Variants in MUC6 observed in about 807,000 individuals in gnomAD.
The protein encoded by MUC6 is mucin 6, oligomeric mucus/gel-forming (gene/pseudogene).
Under a neutral mutation model 201.5 loss-of-function variants are expected in MUC6, and 188 were observed. The observed-to-expected ratio is 0.93, with a 90% CI of 0.83 to 1.05. MUC6 has a LOEUF of 1.05. Among genes scored for constraint, MUC6 ranks in the 50% least tolerant of loss-of-function variants. The probability of loss-of-function intolerance (pLI) is 0.00; values close to 1 mark genes in which losing one functional copy is unlikely to be tolerated. For missense variants in MUC6, 2,706 were observed against 3,256.9 expected (o/e 0.83, Z 4.12); for synonymous variants, 1,228 against 1,389.4 (o/e 0.88, Z 2.58).
At chr11:1,020,648 C>G in intron 28 of MUC6, 36 bp downstream of exon 28, 1 of 1,613,484 alleles carries the variant, frequency 6.2e-7, no homozygotes, top group Non-Finnish European at 8.5e-7. Flanking sequence ...AGGAAAGGGC[C>G]TGCGTCACCT....
In MUC6 at chr11:1,027,488, T is replaced by A; in HGVS notation, c.2011A>T (p.Ser671Cys). Residue 671 changes from serine to cysteine, a missense_variant, in exon 17 of 33, where the codon AGC becomes TGC. This residue lies in a region of MUC6 where 1,850 missense variants were observed against 1,958.3 expected (regional missense o/e 0.94). Transcript: ENST00000421673. ...TIPCTGNTTF[S>C]YNSQACERTC... is the part of the protein sequence containing the mutation. ...CGCTCACAGGCTTGGCTGTTGTAGC[T>A]GAAGGTGGTGTTACCCGTGCAGGGG... 4 of 1,612,434 alleles carry A rather than the reference T, an allele frequency of 2.5e-6. No individual in the cohort carries two copies. The highest frequency in any genetic ancestry group is 1.7e-6 in the Non-Finnish European group (2 of 1,179,774).
rs1026161249 is a variant in MUC6 at position 1,032,029 on chromosome 11, G to A, written c.140C>T (p.Thr47Met). 3.1e-6 allele frequency: 5 copies of A among 1,613,364 alleles called. No homozygotes were observed. Among genetic ancestry groups the A allele is most frequent in the Middle Eastern group, 1.6e-4 (1 of 6,062 alleles). The stretch of plus-strand genomic sequence containing the variant: ...GGTGGAGAAGTGACCAGCCCCCCAC[G>A]TGGAGCACTGGCCTTTGTCCGGGGC... ...QTAPDKGQCS[T>M]WGAGHFSTFD... Residue 47 changes from threonine (T) to methionine (M), a missense_variant, in exon 3 of 33, where the codon ACG becomes ATG. By Grantham distance (81) the Thr-to-Met change is moderately conservative (BLOSUM62 -1). Transcript: ENST00000421673.
rs752056856 is a variant in MUC6 at position 1,029,221 on chromosome 11, G to C, written c.1275+7C>G. ...CCCCTCCCCACGGGCCACAGGGCTC[G>C]TCCTACCTGGAGGAGGATGTAGGTG... On this transcript the variant is annotated splice_region_variant and intron_variant, in intron 10 of 32. Transcript: ENST00000421673. The C allele has an allele frequency of 6.2e-6, 10 of 1,606,874 alleles. No homozygotes were observed. The highest frequency in any genetic ancestry group is 8.5e-6 in the Non-Finnish European group (10 of 1,177,386).
At chr11:1,029,752 C>T in intron 8 of MUC6, 137 bp from the exon 9 acceptor site, 1 of 1,245,732 alleles carries the variant, frequency 8.0e-7, no homozygotes, top group Non-Finnish European at 1.1e-6. Context: ...GGAGACGCCC[C>T]TCCAGCCTGG....
At chr11:1,023,855 A>C in intron 25 of MUC6, 92 bp downstream of exon 25, 2 of 1,505,054 alleles carry the variant, frequency 1.3e-6, no homozygotes, top group South Asian at 1.3e-5. Context: ...GTCCAGGGAG[A>C]GGGGCCTGTG....
In MUC6 at chr11:1,013,587, G is replaced by T. The variant is rs547423013; in HGVS notation, c.7189C>A (p.Arg2397Ser). Residue 2397 changes from arginine to serine, a missense_variant, in exon 33 of 33, where the codon CGC becomes AGC. This residue lies in a region of MUC6 where 586 missense variants were observed against 488.0 expected (regional missense o/e 1.20). Transcript: ENST00000421673. ...QQVDARCSCC[R>S]PLHSYEQQLE... is the part of the protein sequence containing the mutation. ...TGCTGCTCATAGGAGTGGAGGGGGCGGCAGCAGCTGCAGCGGGCATCCACC... is the reference window on the plus strand; with the variant it reads ...TGCTGCTCATAGGAGTGGAGGGGGCTGCAGCAGCTGCAGCGGGCATCCACC... 3.2e-4 allele frequency: 510 copies of T among 1,569,910 alleles called. 3 individuals are homozygous for T. In the Middle Eastern group the frequency reaches 0.012, roughly 36 times the overall value.
chr11:1,027,973 A>G lies in MUC6; in HGVS notation c.1840T>C (p.Phe614Leu). The change falls in exon 15 of 33, where the codon TTC becomes CTC. Residue 614 changes from phenylalanine to leucine, a missense_variant. Physicochemically the swap from Phe to Leu is conservative, Grantham distance 22. Transcript: ENST00000421673. ...RCHATVNPAPFYKRCVYQACN... is the reference protein window; with the variant it reads ...RCHATVNPAPLYKRCVYQACN... ...CGCCCTCGGGCCCTCACCTTGTAGA[A>G]GGGTGCAGGGTTCACTGTGGCGTGG... The G allele has an allele frequency of 6.3e-7, 1 of 1,575,910 alleles. No individual in the cohort carries two copies. The highest frequency in any genetic ancestry group is 8.6e-7 in the Non-Finnish European group (1 of 1,161,174).
Position 1,019,460 on chromosome 11 carries a change from G to A in MUC6, c.3845C>T (p.Ala1282Val). The A allele has an allele frequency of 6.2e-7, 1 of 1,613,926 alleles. No individual in the cohort carries two copies. The highest frequency in any genetic ancestry group is 1.7e-4 in the Middle Eastern group (1 of 6,046). The part of the protein sequence containing the change: ...PRPTTAVTPQ[A>V]TSGLPPTATL... ...GGCTGTGGGAGGCAGCCCTGATGTG[G>A]CTTGTGGGGTGACGGCCGTGGTTGG... Residue 1282 changes from alanine to valine, a missense_variant, in exon 30 of 33, where the codon GCC becomes GTC. Physicochemically the swap from Ala to Val is moderately conservative, Grantham distance 64. Coordinates refer to ENST00000421673, the MANE Select transcript of MUC6 (RefSeq NM_005961.3).
In MUC6 at chr11:1,027,776, G is replaced by A. The variant is rs1288589920; in HGVS notation, c.1890C>T (p.Pro630=). The change falls in exon 16 of 33, where the codon CCC becomes CCT. Residue 630 remains proline, a synonymous_variant. Coordinates refer to ENST00000421673, the MANE Select transcript of MUC6 (RefSeq NM_005961.3). ...AGTCGCCCAGGGCGGCACAGATGTG[G>A]GGAAAGGTCTCCTCGTAGTTGCAGG... ...YQACNYEETF[P]HICAALGDYV... is the part of the protein sequence containing the mutation. 1.9e-6 allele frequency: 3 copies of A among 1,611,104 alleles called. No homozygotes were observed. Among genetic ancestry groups the A allele is most frequent in the African/African-American group, 2.7e-5 (2 of 74,918 alleles).
At position 1,027,363 on chromosome 11, in the gene MUC6, C is replaced by G. The variant is rs761161042; in HGVS notation, c.2136G>C (p.Lys712Asn). The part of the protein sequence containing the change: ...NCPDGTYLNQ[K>N]GECVRKAQCP... Reference sequence around the variant, plus strand: ...ACTGGGCCTTGCGCACACACTCGCCCTTTTGGTTCAGGTAGGTGCCATCGG... The same window carrying G: ...ACTGGGCCTTGCGCACACACTCGCCGTTTTGGTTCAGGTAGGTGCCATCGG... The change falls in exon 17 of 33, where the codon AAG becomes AAC. Residue 712 changes from lysine (K) to asparagine (N), a missense_variant. Transcript: ENST00000421673. 3.1e-6 allele frequency: 5 copies of G among 1,612,988 alleles called. No homozygotes were observed. Among genetic ancestry groups the G allele is most frequent in the Non-Finnish European group, 4.2e-6 (5 of 1,179,838 alleles).
chr11:1,032,259 CGT>C (rs1475181189), intron 2 of MUC6, among the ~76,000 whole-genome samples: 1 of 152,148 alleles, frequency 6.6e-6, no homozygotes, highest in Non-Finnish European at 1.5e-5. Flanking sequence ...TGTGCACACA[CGT>C]GTGTGTGGGT....
Position 1,016,021 on chromosome 11 carries a change from G to T in MUC6, c.6780C>A (p.Thr2260=), listed in dbSNP as rs772349712. The change falls in exon 31 of 33, where the codon ACC becomes ACA. Residue 2260 remains threonine (T), a synonymous_variant. Coordinates refer to ENST00000421673, the MANE Select transcript of MUC6 (RefSeq NM_005961.3). ...TGGACTGAGAGGAGAAGGCAGGGGC[G>T]GTGTGGGTGCTGGCCGTGGTCCTGG... ...STPRTTASTH[T]APAFSSQSTT... The T allele has an allele frequency of 6.2e-7, 1 of 1,608,346 alleles. No individual in the cohort carries two copies. Among genetic ancestry groups the T allele is most frequent in the Admixed American group, 1.7e-5 (1 of 59,850 alleles).
chr11:1,013,802 G>T, intron 32 of MUC6, 97 bp downstream of exon 32: 1 of 1,414,332 alleles, frequency 7.1e-7, no homozygotes, highest in Non-Finnish European at 9.7e-7. Flanking sequence ...TCACCTGATG[G>T]GGCAGCAGGC....
At position 1,029,496 on chromosome 11, in the gene MUC6, A is replaced by G; in HGVS notation, c.1135T>C (p.Cys379Arg). 2 of 1,612,052 alleles carry G rather than the reference A, an allele frequency of 1.2e-6. No homozygotes were observed. The highest frequency in any genetic ancestry group is 1.7e-6 in the Non-Finnish European group (2 of 1,179,690). ...AGCCCCCTCCGGCGCCTCACTCACC[A>G]GGTTTGGCAGGCAGCTATTGTGACC... ...GEVTIAACQT[C>R]RCTLGRWVCT... The change falls in exon 9 of 33, where the codon TGC becomes CGC. Residue 379 changes from cysteine to arginine, a missense_variant and splice_region_variant. By Grantham distance (180) the Cys-to-Arg change is radical. This residue lies in a region of MUC6 where 1,850 missense variants were observed against 1,958.3 expected (regional missense o/e 0.94). Transcript: ENST00000421673.
intron 7 of MUC6, 37 bp from the exon 8 acceptor site, chr11:1,030,372 C>CCCCCCCCCCCCCCCCCG: frequency 6.5e-7 from 1 of 1,528,428 alleles, no homozygotes. Flanking sequence ...AGGGTCCCAC[C>CCCCCCCCCCCCCCCCCG]CCCCCCACCC....
chr11:1,025,716 A>G, intron 22 of MUC6, 89 bp downstream of exon 22: 1 of 1,248,826 alleles, frequency 8.0e-7, no homozygotes, highest in Non-Finnish European at 1.1e-6. Flanking sequence ...TCGGGGCAGG[A>G]CCTGGAGGCT....
At chr11:1,029,719 C>A in intron 8 of MUC6, 104 bp from the exon 9 acceptor site, 1 of 1,421,114 alleles carries the variant, frequency 7.0e-7, no homozygotes, top group Non-Finnish European at 9.3e-7. Flanking sequence ...TCCAGGGAGA[C>A]GCCCCCTCCA....
chr11:1,019,782 G>A (rs948310847), intron 29 of MUC6: 5 of 618,976 alleles, frequency 8.1e-6, no homozygotes, highest in Non-Finnish European at 1.4e-5. Context: ...GGGTCCCTGG[G>A]CAGCAGATGG....
chr11:1,026,126 C>T lies in MUC6; in HGVS notation c.2562G>A (p.Gly854=). 1 of 1,597,450 alleles carries T rather than the reference C, an allele frequency of 6.3e-7. No individual in the cohort carries two copies. Among genetic ancestry groups the T allele is most frequent in the Admixed American group, 1.7e-5 (1 of 58,044 alleles). Residue 854 remains glycine (G), a synonymous_variant, in exon 21 of 33, where the codon GGG becomes GGA. Coordinates refer to ENST00000421673, the MANE Select transcript of MUC6 (RefSeq NM_005961.3). ...TDCRTCSCSR[G]RWACQQGTHC... ...GGGTGCCCTGCTGACAGGCCCACCTCCCCCTTGAGCAGGAGCTGTGGAGAC... is the reference window on the plus strand; with the variant it reads ...GGGTGCCCTGCTGACAGGCCCACCTTCCCCTTGAGCAGGAGCTGTGGAGAC...
Sources: allele counts gnomAD v4.1 joint callset (sites outside exome capture counted in the v4.1 genomes callset), GRCh38; gene constraint gnomAD v4.1.1; regional missense constraint gnomAD v4.1.1; transcripts MANE v1.5; gene names NCBI Gene and HGNC (gene_info 2026-07-23, HGNC 2026-07-21).